EPS8L1: variants seen among roughly 807,000 people sequenced by gnomAD.
EPS8L1 encodes the protein epidermal growth factor receptor kinase substrate 8-like protein 1.
In EPS8L1, 101 loss-of-function variants were observed where a neutral mutation model predicts 91.7. That is an observed-to-expected ratio of 1.10 (90% CI 0.94 to 1.30). The LOEUF (loss-of-function observed/expected upper bound fraction) is 1.30, where lower values mean the gene tolerates loss of function less well. Ranked by LOEUF, EPS8L1 falls within the 50% of genes most tolerant of loss-of-function variation. The probability of loss-of-function intolerance (pLI) is 0.00; values close to 1 mark genes in which losing one functional copy is unlikely to be tolerated. For missense variants in EPS8L1, 1,114 were observed against 1,017.0 expected (o/e 1.10, Z -1.30); for synonymous variants, 506 against 445.3 (o/e 1.14, Z -1.72).
chr19:55,087,257 G>T (rs751283416), intron 18 of EPS8L1, 46 bp from the exon 19 acceptor site: 79 of 1,552,344 alleles, frequency 5.1e-5, no homozygotes, highest in Non-Finnish European at 6.6e-5. Flanking sequence ...TCCGGGCTGG[G>T]GCATCCGCCG....
Position 55,086,829 on chromosome 19 carries a change from C to G in EPS8L1, c.1893C>G (p.Ser631Arg), listed in dbSNP as rs749638129. The G allele has an allele frequency of 6.4e-7, 1 of 1,555,906 alleles. No homozygotes were observed. The highest frequency in any genetic ancestry group is 8.7e-7 in the Non-Finnish European group (1 of 1,151,948). The change falls in exon 18 of 20, where the codon AGC (serine) becomes AGG (arginine). Residue 631 changes from serine to arginine, a missense_variant. By Grantham distance (110) the Ser-to-Arg change is moderately radical (BLOSUM62 -1). Transcript: ENST00000201647. ...PGPRAPEPQL[S>R]PGSDASEVRA... Reference sequence around the variant, plus strand: ...CCCGCGCCCCGGAACCGCAGCTCAGCCCGGGCTCGGACGCCTCCGAGGTCC... The same window carrying G: ...CCCGCGCCCCGGAACCGCAGCTCAGGCCGGGCTCGGACGCCTCCGAGGTCC...
rs556681052 is a variant in EPS8L1 at position 55,087,783 on chromosome 19, G to A, written c.*169G>A. 11 of 717,240 alleles carry A rather than the reference G, an allele frequency of 1.5e-5. No homozygotes were observed. The highest frequency in any genetic ancestry group is 1.4e-4 in the African/African-American group (8 of 57,116). The allele number at this position is 717,240 out of a possible 1,614,324, so 44.4% of individuals were successfully genotyped here. A position where few individuals can be genotyped will look rare whatever the true frequency, so the allele number is the denominator to read the frequency against. On this transcript the variant is annotated 3_prime_UTR_variant, in exon 20 of 20. Coordinates refer to ENST00000201647, the MANE Select transcript of EPS8L1 (RefSeq NM_133180.3). ...TAACGATCCTTGCTGCAGTCCCTCC[G>A]GAGAGGATCTGGACTGGCTGGGAGT... is the stretch of plus-strand genomic sequence containing the variant.
intron 3 of EPS8L1, 71 bp downstream of exon 3, chr19:55,078,199 T>G: frequency 6.8e-7 from 1 of 1,463,272 alleles, no homozygotes; most frequent in Non-Finnish European, 9.4e-7. Context: ...GCATCCAGGG[T>G]CTTGGAGGAG....
At chr19:55,077,741 A>C (rs954480855) in intron 2 of EPS8L1, among the ~76,000 whole-genome samples, 1 of 150,598 alleles carries the variant, frequency 6.6e-6, no homozygotes, top group African/African-American at 2.4e-5. Context: ...GGCGCCCACC[A>C]CCACACCCAG....
Position 55,083,781 on chromosome 19 carries a change from G to T in EPS8L1, c.1385+137G>T. Reference sequence around the variant, plus strand: ...GCTCTTCTCAGGTGGGTGAGATGGTGATGGGGCGGGCCGGGGCTGGGAGAG... The same window carrying T: ...GCTCTTCTCAGGTGGGTGAGATGGTTATGGGGCGGGCCGGGGCTGGGAGAG... On this transcript the variant is annotated intron_variant, in intron 14 of 19. Coordinates refer to ENST00000201647, the MANE Select transcript of EPS8L1 (RefSeq NM_133180.3). The surrounding 1 kb of genome is among the most constrained non-coding windows in gnomAD (Gnocchi z 4.7). The T allele has an allele frequency of 6.5e-6, 5 of 768,248 alleles. No homozygotes were observed. Among genetic ancestry groups the T allele is most frequent in the Non-Finnish European group, 1.0e-5 (5 of 492,344 alleles). The allele number at this position is 768,248 out of a possible 1,614,324, so 47.6% of individuals were successfully genotyped here.
At chr19:55,084,482 CG>C (rs1568795771) in intron 14 of EPS8L1, 1 of 151,944 alleles carries the variant, frequency 6.6e-6, no homozygotes, top group Non-Finnish European at 1.5e-5. Flanking sequence ...AGGGAAGCAA[CG>C]TGGGAGGAGA....
chr19:55,076,159 G>A (rs193177771), intron 1 of EPS8L1, among the ~76,000 whole-genome samples: 23 of 145,408 alleles, frequency 1.6e-4, no homozygotes, highest in African/African-American at 5.8e-4. Flanking sequence ...CTGGGTCTGA[G>A]GGAGGAGTGG....
intron 4 of EPS8L1, 93 bp downstream of exon 4, chr19:55,079,150 A>G (rs2076200072): frequency 1.5e-6 from 2 of 1,341,112 alleles, no homozygotes; most frequent in Admixed American, 3.4e-5. Context: ...GCCCCCAAGC[A>G]GGAAGCATGT....
rs766823918 is a variant in EPS8L1 at position 55,079,868 on chromosome 19, G to A, written c.279+17G>A. On this transcript the variant is annotated intron_variant, in intron 5 of 19. Transcript: ENST00000201647. ...GCCTCCAAGGTGCCGGGGGGCACGT[G>A]GGTGGGAGGAGTGTCTGGGGCAGGG... 6 of 1,602,190 alleles carry A rather than the reference G, an allele frequency of 3.7e-6. No individual in the cohort carries two copies. The South Asian group carries it at 6.7e-5, about 18-fold the overall frequency.
Position 55,082,402 on chromosome 19 carries a change from C to A in EPS8L1, c.1066-52C>A, listed in dbSNP as rs1456013916. On this transcript the variant is annotated intron_variant, in intron 11 of 19. Transcript: ENST00000201647. ...CCCCTGCAGCGGGAGGAATCGGGTT[C>A]GACTTGTAGAAGGTGTGGCGGCACA... The A allele has an allele frequency of 1.2e-6, 2 of 1,612,196 alleles. No homozygotes were observed. The highest frequency in any genetic ancestry group is 2.7e-5 in the African/African-American group (2 of 75,020).
Position 55,083,348 on chromosome 19 carries a change from C to T in EPS8L1, c.1215-30C>T. On this transcript the variant is annotated intron_variant, in intron 12 of 19. Coordinates refer to ENST00000201647, the MANE Select transcript of EPS8L1 (RefSeq NM_133180.3). The surrounding 1 kb of genome is among the most constrained non-coding windows in gnomAD (Gnocchi z 4.7). ...GAAGTTGGGGGCTGTATCAGGATCC[C>T]TGAGCTCTTGGCCCTGTCCCTGGCC... 1.2e-6 allele frequency: 2 copies of T among 1,604,472 alleles called. No homozygotes were observed. The highest frequency in any genetic ancestry group is 1.1e-5 in the South Asian group (1 of 90,814).
At chr19:55,086,911 CG>C in intron 18 of EPS8L1, 23 bp downstream of exon 18, 1 of 1,412,072 alleles carries the variant, frequency 7.1e-7, no homozygotes, top group East Asian at 2.8e-5. Context: ...GGGGCCCTCT[CG>C]GCGCGGGTTG....
In EPS8L1 at chr19:55,081,924, C is replaced by A; in HGVS notation, c.901+25C>A. 1 of 1,600,200 alleles carries A rather than the reference C, an allele frequency of 6.2e-7. No homozygotes were observed. Among genetic ancestry groups the A allele is most frequent in the Non-Finnish European group, 8.5e-7 (1 of 1,172,532 alleles). On this transcript the variant is annotated intron_variant, in intron 9 of 19. Coordinates refer to ENST00000201647, the MANE Select transcript of EPS8L1 (RefSeq NM_133180.3). This position sits in a 1 kb window ranked among gnomAD's most constrained non-coding sequence, Gnocchi z 4.9. ...GGTAAGGGGCACCCTGGCGTGGGAT[C>A]TGAACCCCCTCCCGATCTCTTCCAA...
In EPS8L1 at chr19:55,087,080, G is replaced by A. The variant is rs1233181854; in HGVS notation, c.1952+192G>A. ...TGCCATGTTTTTTCAGACTCCGACT[G>A]GATTCCTTAGGGAAATCCCGTACCC... On this transcript the variant is annotated intron_variant, in intron 18 of 19. Coordinates refer to ENST00000201647, the MANE Select transcript of EPS8L1 (RefSeq NM_133180.3). 3 of 1,044,784 alleles carry A rather than the reference G, an allele frequency of 2.9e-6. No individual in the cohort carries two copies. The Admixed American group carries it at 9.6e-5, about 33-fold the overall frequency. 64.7% of individuals were successfully genotyped at this position (1,044,784 alleles called of 1,614,324 possible).
rs751994711 is a variant in EPS8L1 at position 55,081,420 on chromosome 19, C to T, written c.702C>T (p.Asn234=). The part of the protein sequence containing the change: ...QRPEPVGTSS[N]ADSASPDLGP... ...CTGAGCCGGTGGGGACCTCGAGCAA[C>T]GCTGACTCGGCCTCCCCGGACCTGG... The change falls in exon 8 of 20, where the codon AAC becomes AAT. Residue 234 remains asparagine, a synonymous_variant. Coordinates refer to ENST00000201647, the MANE Select transcript of EPS8L1 (RefSeq NM_133180.3). This position sits in a 1 kb window ranked among gnomAD's most constrained non-coding sequence, Gnocchi z 4.9. 1.9e-6 allele frequency: 3 copies of T among 1,599,426 alleles called. No homozygotes were observed. Among genetic ancestry groups the T allele is most frequent in the African/African-American group, 1.3e-5 (1 of 74,624 alleles).
At position 55,082,147 on chromosome 19, in the gene EPS8L1, G is replaced by A. The variant is rs754369542; in HGVS notation, c.957G>A (p.Val319=). The change falls in exon 10 of 20, where the codon GTG becomes GTA. Residue 319 remains valine (V), a synonymous_variant. Transcript: ENST00000201647. ...CCTCGGAGGCCGAGTACACCGACGT[G>A]CTGCAGAAGATCAAGTACGCCTTCA... ...KPPSEAEYTD[V]LQKIKYAFSL... 1.9e-6 allele frequency: 3 copies of A among 1,604,322 alleles called. No homozygotes were observed. In the Admixed American group the frequency reaches 5.1e-5, roughly 27 times the overall value.
chr19:55,080,434 G>C, intron 6 of EPS8L1, 156 bp downstream of exon 6: 1 of 1,607,090 alleles, frequency 6.2e-7, no homozygotes, highest in Non-Finnish European at 8.5e-7. Context: ...AGTTCTGGAA[G>C]GCAGTGGGGT....
Position 55,081,163 on chromosome 19 carries a change from G to T in EPS8L1, c.513-68G>T. On this transcript the variant is annotated intron_variant, in intron 7 of 19. Transcript: ENST00000201647. The surrounding 1 kb of genome is among the most constrained non-coding windows in gnomAD (Gnocchi z 4.9). ...TTTGAGCCTGTGTGTCTCGTTCTGC[G>T]CCCTGGATTTCCCCCTCCCTGGACC... The T allele has an allele frequency of 1.4e-6, 2 of 1,442,590 alleles. No individual in the cohort carries two copies. The highest frequency in any genetic ancestry group is 1.8e-6 in the Non-Finnish European group (2 of 1,103,342). 89.4% of individuals were successfully genotyped at this position (1,442,590 alleles called of 1,614,324 possible).
Position 55,087,819 on chromosome 19 carries a change from T to A in EPS8L1, c.*205T>A. Reference sequence around the variant, plus strand: ...GGACTGGCTGGGAGTGGGGAGGGCGTGGAGACAGTCTACGGAAAGCGCTAG... The same window carrying A: ...GGACTGGCTGGGAGTGGGGAGGGCGAGGAGACAGTCTACGGAAAGCGCTAG... On this transcript the variant is annotated 3_prime_UTR_variant, in exon 20 of 20. Coordinates refer to ENST00000201647, the MANE Select transcript of EPS8L1 (RefSeq NM_133180.3). 6.8e-6 allele frequency: 4 copies of A among 587,436 alleles called. No individual in the cohort carries two copies. The highest frequency in any genetic ancestry group is 9.1e-6 in the Non-Finnish European group (3 of 329,202). The allele number at this position is 587,436 out of a possible 1,614,324, so 36.4% of individuals were successfully genotyped here. A position where few individuals can be genotyped will look rare whatever the true frequency, so the allele number is the denominator to read the frequency against.
Sources: allele counts gnomAD v4.1 joint callset (sites outside exome capture counted in the v4.1 genomes callset), GRCh38; gene constraint gnomAD v4.1.1; non-coding constraint Gnocchi (gnomAD v3.1); transcripts MANE v1.5; gene names NCBI Gene and HGNC (gene_info 2026-07-23, HGNC 2026-07-21).